Variants in CADPS2 observed in about 807,000 individuals in gnomAD.
CADPS2 encodes the protein calcium-dependent secretion activator 2.
In CADPS2, 93 loss-of-function variants were observed where a neutral mutation model predicts 172.5. The ratio of observed to expected loss-of-function variants is 0.54; its 90% confidence interval spans 0.46 to 0.64. The LOEUF is 0.64. Among genes scored for constraint, CADPS2 ranks in the 30% least tolerant of loss-of-function variants. The pLI is 0.00. For missense variants in CADPS2, 1,420 were observed against 1,565.9 expected (o/e 0.91, Z 1.57); for synonymous variants, 546 against 555.2 (o/e 0.98, Z 0.23).
chr7:122,788,719 A>G (rs1231160377), intron 1 of CADPS2, among the ~76,000 whole-genome samples: 1 of 152,124 alleles, frequency 6.6e-6, no homozygotes, highest in Non-Finnish European at 1.5e-5. Flanking sequence ...GCCAAGACTT[A>G]AATCTTGGTA....
intron 2 of CADPS2, among the ~76,000 whole-genome samples, chr7:122,664,386 G>T (rs1243339492): frequency 6.6e-6 from 1 of 151,742 alleles, no homozygotes; most frequent in Non-Finnish European, 1.5e-5. Context: ...TACCTCTAAG[G>T]GACTTCTAAT....
Position 122,490,093 on chromosome 7 carries a change from C to A in CADPS2, c.1840G>T (p.Asp614Tyr), listed in dbSNP as rs777940343. Residue 614 changes from aspartate (D) to tyrosine (Y), a missense_variant, in exon 11 of 30, where the codon GAT (aspartate) becomes TAT (tyrosine). Coordinates refer to ENST00000449022, the MANE Select transcript of CADPS2 (RefSeq NM_017954.11). ...TAACAAAACTTACAAAGCTGAGCAT[C>A]TGCATGGAGAGTTCCTCCTTTAGGA... is the stretch of plus-strand genomic sequence containing the variant. ...LNPKGGTLHA[D>Y]AQLSGKDADR... is the part of the protein sequence containing the mutation. The A allele has an allele frequency of 3.1e-6, 5 of 1,613,098 alleles. No homozygotes were observed. The African/African-American group carries it at 6.7e-5, about 22-fold the overall frequency.
chr7:122,868,785 A>G (rs115707928), intron 1 of CADPS2, among the ~76,000 whole-genome samples: 2,600 of 152,328 alleles, frequency 0.017, 81 homozygotes, highest in African/African-American at 0.06. Flanking sequence ...AAGGACAGTA[A>G]TAAAGATGCT....
chr7:122,551,480 T>C (rs115988943), intron 8 of CADPS2, among the ~76,000 whole-genome samples: 2,315 of 152,074 alleles, frequency 0.015, 61 homozygotes, highest in African/African-American at 0.052. Flanking sequence ...TTAGGGGCCA[T>C]AGATAAGTGA....
intron 25 of CADPS2, among the ~76,000 whole-genome samples, chr7:122,366,288 G>T (rs2151194020): frequency 6.6e-6 from 1 of 151,722 alleles, no homozygotes; most frequent in South Asian, 2.1e-4. Context: ...CCCTAAATCA[G>T]AACGTTAATA....
At chr7:122,630,926 AAACT>A (rs1298153846) in intron 3 of CADPS2, among the ~76,000 whole-genome samples, 26 of 152,304 alleles carry the variant, frequency 1.7e-4, no homozygotes, top group African/African-American at 5.3e-4. Context: ...TCATCTCATA[AAACT>A]AACAAACAAT....
chr7:122,482,473 G>A (rs146331885), intron 11 of CADPS2, among the ~76,000 whole-genome samples: 213 of 152,284 alleles, frequency 1.4e-3, no homozygotes, highest in African/African-American at 4.4e-3. Context: ...TGTCAATAGT[G>A]TTGAAATTGA....
intron 17 of CADPS2, among the ~76,000 whole-genome samples, chr7:122,425,649 G>GTA (rs1208052314): frequency 6.6e-6 from 1 of 151,906 alleles, no homozygotes; most frequent in African/African-American, 2.4e-5. Flanking sequence ...CAATATATGT[G>GTA]TATATACACA....
At chr7:122,432,656 A>AG (rs1351776902) in intron 17 of CADPS2, among the ~76,000 whole-genome samples, 6 of 150,754 alleles carry the variant, frequency 4.0e-5, no homozygotes, top group Non-Finnish European at 8.9e-5. Flanking sequence ...AAAAAAAAAA[A>AG]AAAAAGAAAA....
At chr7:122,878,642 A>G (rs1210694417) in intron 1 of CADPS2, among the ~76,000 whole-genome samples, 1 of 12,208 alleles carries the variant, frequency 8.2e-5, no homozygotes, top group Non-Finnish European at 1.5e-4. Flanking sequence ...TCTGTCTCAA[A>G]TAAATAAATA....
intron 7 of CADPS2, among the ~76,000 whole-genome samples, chr7:122,561,720 T>C (rs2065806869): frequency 6.6e-6 from 1 of 152,164 alleles, no homozygotes; most frequent in African/African-American, 2.4e-5. Context: ...GAAATTACTA[T>C]ATTTAAAGTA....
At chr7:122,734,952 T>C (rs1215477610) in intron 2 of CADPS2, among the ~76,000 whole-genome samples, 1 of 152,130 alleles carries the variant, frequency 6.6e-6, no homozygotes, top group Non-Finnish European at 1.5e-5. Flanking sequence ...AAACCACCTC[T>C]TCAATGCTTA....
chr7:122,325,401 T>A (rs2033627783), intron 29 of CADPS2, 76 bp downstream of exon 29: 2 of 917,414 alleles, frequency 2.2e-6, no homozygotes, highest in Non-Finnish European at 3.5e-6. Flanking sequence ...CAAATACAGT[T>A]TTCTTGTATG....
chr7:122,723,149 G>C (rs2137173942), intron 2 of CADPS2, among the ~76,000 whole-genome samples: 1 of 152,178 alleles, frequency 6.6e-6, no homozygotes, highest in Non-Finnish European at 1.5e-5. Context: ...AACAACAAAA[G>C]CAATGGCAAC....
At chr7:122,786,636 T>C (rs1794103943) in intron 1 of CADPS2, among the ~76,000 whole-genome samples, 1 of 152,204 alleles carries the variant, frequency 6.6e-6, no homozygotes, top group Non-Finnish European at 1.5e-5. Flanking sequence ...TTTTGAGATG[T>C]AAATTTTTTT....
intron 9 of CADPS2, among the ~76,000 whole-genome samples, chr7:122,511,474 A>G: frequency 6.6e-6 from 1 of 152,302 alleles, no homozygotes; most frequent in Non-Finnish European, 1.5e-5. Flanking sequence ...TATTCAAAAA[A>G]TCAGTTAAAA....
At chr7:122,652,786 G>C (rs1271344511) in intron 3 of CADPS2, among the ~76,000 whole-genome samples, 1 of 152,026 alleles carries the variant, frequency 6.6e-6, no homozygotes, top group African/African-American at 2.4e-5. Flanking sequence ...AGCTAATCTA[G>C]GTGCTACTTA....
At chr7:122,423,662 G>A (rs555346053) in intron 17 of CADPS2, among the ~76,000 whole-genome samples, 1 of 152,306 alleles carries the variant, frequency 6.6e-6, no homozygotes, top group African/African-American at 2.4e-5. Flanking sequence ...ACTATGTACT[G>A]CTTTCATCAA....
At chr7:122,655,549 T>C (rs1217270356) in intron 3 of CADPS2, among the ~76,000 whole-genome samples, 1 of 152,110 alleles carries the variant, frequency 6.6e-6, no homozygotes, top group Non-Finnish European at 1.5e-5. Context: ...ATAATTCTAT[T>C]ATACCCCTAA....
Sources: allele counts gnomAD v4.1 joint callset (sites outside exome capture counted in the v4.1 genomes callset), GRCh38; gene constraint gnomAD v4.1.1; transcripts MANE v1.5; gene names NCBI Gene and HGNC (gene_info 2026-07-23, HGNC 2026-07-21).